ARG1: variants seen among roughly 807,000 people sequenced by gnomAD.
ARG1 encodes arginase 1.
In ARG1, 20 loss-of-function variants were observed where a neutral mutation model predicts 33.0. The observed-to-expected ratio is 0.61, with a 90% CI of 0.43 to 0.88. The LOEUF is 0.88. Among genes scored for constraint, ARG1 ranks in the 40% least tolerant of loss-of-function variants. ARG1 has a pLI of 0.00. For synonymous variants in ARG1, 146 were observed against 140.6 expected (o/e 1.04, Z -0.27); for missense variants, 374 against 384.7 (o/e 0.97, Z 0.23).
intron 7 of ARG1, 115 bp from the exon 8 acceptor site, chr6:131,583,627 G>A (rs1223004752): frequency 4.0e-6 from 6 of 1,515,198 alleles, no homozygotes; most frequent in Non-Finnish European, 5.4e-6. Context: ...TAACTAAAGT[G>A]TTTTCCATCG....
intron 4 of ARG1, among the ~76,000 whole-genome samples, chr6:131,581,723 G>C (rs1323843591): frequency 1.3e-5 from 2 of 152,130 alleles, no homozygotes; most frequent in Non-Finnish European, 2.9e-5. Context: ...CTAGCACCAG[G>C]TCTCCTCATT....
chr6:131,581,620 G>T (rs139025033), intron 4 of ARG1, among the ~76,000 whole-genome samples: 4 of 152,186 alleles, frequency 2.6e-5, no homozygotes, highest in Admixed American at 2.0e-4. Flanking sequence ...TAGTAGGTGG[G>T]GCAGAGAGTA....
intron 2 of ARG1, among the ~76,000 whole-genome samples, chr6:131,577,385 G>A (rs1773670155): frequency 6.6e-6 from 1 of 152,150 alleles, no homozygotes; most frequent in South Asian, 2.1e-4. Flanking sequence ...TGACCCAGCA[G>A]TTCTACTCCT....
intron 1 of ARG1, chr6:131,574,299 C>T (rs1234352916): frequency 6.2e-7 from 1 of 1,613,902 alleles, no homozygotes; most frequent in Non-Finnish European, 8.5e-7. Context: ...CTTTTTACTG[C>T]AAAACAAATT....
At chr6:131,573,408 G>C in intron 1 of ARG1, 69 bp downstream of exon 1, 1 of 1,459,632 alleles carries the variant, frequency 6.9e-7, no homozygotes, top group Non-Finnish European at 9.6e-7. Flanking sequence ...AAATTTGTAA[G>C]GTGTTATTGT....
intron 1 of ARG1, 133 bp downstream of exon 1, chr6:131,573,472 T>C: frequency 1.2e-6 from 1 of 827,270 alleles, no homozygotes; most frequent in Non-Finnish European, 2.0e-6. Context: ...TATTTTAAAG[T>C]CCTCTCACCA....
At chr6:131,579,526 G>A (rs1773809076) in intron 3 of ARG1, 8 of 371,422 alleles carry the variant, frequency 2.2e-5, no homozygotes, top group Non-Finnish European at 3.9e-5. Context: ...AAATATGAAT[G>A]GATTTCATCT....
Position 131,584,140 on chromosome 6 carries a change from G to A in ARG1, c.*232G>A. ...TAACTTGGCAAAAGACTTATCCTTA[G>A]AAAGAGAAGTGTACATTGATTTCCA... On this transcript the variant is annotated 3_prime_UTR_variant, in exon 8 of 8. Transcript: ENST00000368087. 1 of 530,034 alleles carries A rather than the reference G, an allele frequency of 1.9e-6. No individual in the cohort carries two copies. Among genetic ancestry groups the A allele is most frequent in the South Asian group, 2.2e-5 (1 of 45,532 alleles). 32.8% of individuals were successfully genotyped at this position (530,034 alleles called of 1,614,324 possible). A position where few individuals can be genotyped will look rare whatever the true frequency, so the allele number is the denominator to read the frequency against.
At chr6:131,573,994 T>G in intron 1 of ARG1, 1 of 461,822 alleles carries the variant, frequency 2.2e-6, no homozygotes, top group Non-Finnish European at 3.9e-6. Flanking sequence ...TTTTAATGGA[T>G]TTATGAAACC....
At chr6:131,575,971 G>A (rs977658678) in intron 1 of ARG1, among the ~76,000 whole-genome samples, 1 of 152,170 alleles carries the variant, frequency 6.6e-6, no homozygotes, top group African/African-American at 2.4e-5. Flanking sequence ...ACTTATGTGA[G>A]TACATGCACG....
chr6:131,583,999 T>G lies in ARG1; in HGVS notation c.*91T>G. The G allele has an allele frequency of 7.0e-7, 1 of 1,430,424 alleles. No homozygotes were observed. The highest frequency in any genetic ancestry group is 9.6e-7 in the Non-Finnish European group (1 of 1,037,804). The allele number at this position is 1,430,424 out of a possible 1,614,324, so 88.6% of individuals were successfully genotyped here. On this transcript the variant is annotated 3_prime_UTR_variant, in exon 8 of 8. Transcript: ENST00000368087. ...AGCATAGAGTTATCCTTCTAAAGAC[T>G]TGTTCTTTCAGAAAAATGTTTTTCC... is the stretch of plus-strand genomic sequence containing the variant.
rs1773773286 is a variant in ARG1, at chr6:131,578,981, C to T, written c.131-130C>T. Reference sequence around the variant, plus strand: ...CATGGGTCTACCTTCCCAAGATTTACAGACCTTTCAGGTTTTTCCTTTGCT... The same window carrying T: ...CATGGGTCTACCTTCCCAAGATTTATAGACCTTTCAGGTTTTTCCTTTGCT... On this transcript the variant is annotated intron_variant, in intron 2 of 7. Transcript: ENST00000368087. The T allele has an allele frequency of 8.5e-6, 9 of 1,059,944 alleles. No homozygotes were observed. In the South Asian group the frequency reaches 1.5e-4, roughly 18 times the overall value. The allele number at this position is 1,059,944 out of a possible 1,614,324, so 65.7% of individuals were successfully genotyped here.
rs1205047507 is a variant in ARG1, at chr6:131,583,152, A to G, written c.653A>G (p.Tyr218Cys). 6.2e-7 allele frequency: 1 copy of G among 1,613,510 alleles called. No individual in the cohort carries two copies. Residue 218 changes from tyrosine (Y) to cysteine (C), a missense_variant, in exon 6 of 8, where the codon TAT becomes TGT. By Grantham distance (194) the Tyr-to-Cys change is radical (BLOSUM62 -2). Coordinates refer to ENST00000368087, the MANE Select transcript of ARG1 (RefSeq NM_000045.4). ...IGKVMEETLSYLLGRKKRPIH... is the reference protein window; with the variant it reads ...IGKVMEETLSCLLGRKKRPIH... ...AAGGTGATGGAAGAAACACTCAGCT[A>G]TCTACTAGGAAGGTAGGATTCTTTT...
chr6:131,584,046 T>C lies in ARG1; in HGVS notation c.*138T>C, dbSNP rs1419278786. On this transcript the variant is annotated 3_prime_UTR_variant, in exon 8 of 8. Coordinates refer to ENST00000368087, the MANE Select transcript of ARG1 (RefSeq NM_000045.4). The stretch of plus-strand genomic sequence containing the variant: ...TTCCAATTAGTATAAACTCTACAAA[T>C]TCCCTCTTGGTGTAAAATTCAAGAT... 2.1e-6 allele frequency: 2 copies of C among 942,990 alleles called. No homozygotes were observed. Among genetic ancestry groups the C allele is most frequent in the African/African-American group, 3.3e-5 (2 of 59,786 alleles). 58.4% of individuals were successfully genotyped at this position (942,990 alleles called of 1,614,324 possible). A position where few individuals can be genotyped will look rare whatever the true frequency, so the allele number is the denominator to read the frequency against.
intron 1 of ARG1, 107 bp downstream of exon 1, chr6:131,573,446 C>T: frequency 3.7e-6 from 4 of 1,081,894 alleles, no homozygotes; most frequent in East Asian, 2.4e-5. Flanking sequence ...CTGATACAAT[C>T]TGGCCAGGAA....
At chr6:131,578,770 C>A (rs901025736) in intron 2 of ARG1, among the ~76,000 whole-genome samples, 4 of 151,878 alleles carry the variant, frequency 2.6e-5, no homozygotes, top group Non-Finnish European at 5.9e-5. Flanking sequence ...AGCACATAAG[C>A]AGAGAGAGAC....
At position 131,584,218 on chromosome 6, in the gene ARG1, A is replaced by G. The variant is rs142812031; in HGVS notation, c.*310A>G. The G allele has an allele frequency of 2.4e-4, 81 of 331,458 alleles. 2 individuals carry two copies. Among genetic ancestry groups the G allele is most frequent in the African/African-American group, 1.7e-3 (78 of 46,268 alleles). 20.5% of individuals were successfully genotyped at this position (331,458 alleles called of 1,614,324 possible). On this transcript the variant is annotated 3_prime_UTR_variant, in exon 8 of 8. Coordinates refer to ENST00000368087, the MANE Select transcript of ARG1 (RefSeq NM_000045.4). ...AGCACACTTACATAAGCCCCCATAC[A>G]TAGAGTGGGACTCTTGGAATCAGGA...
intron 1 of ARG1, among the ~76,000 whole-genome samples, chr6:131,573,665 CTTG>C (rs567110628): frequency 1.3e-5 from 2 of 152,126 alleles, no homozygotes; most frequent in East Asian, 1.9e-4. Flanking sequence ...TTTAGTTGCT[CTTG>C]TTGTTTTTGA....
In ARG1 at chr6:131,576,812, G is replaced by C. The variant is rs1014989370; in HGVS notation, c.130+77G>C. ...GAAAGAGCAGGCCCCTGTGAACCTG[G>C]AGTGTGTCTGGAATATTTACATCAG... is the stretch of plus-strand genomic sequence containing the variant. On this transcript the variant is annotated intron_variant, in intron 2 of 7. Coordinates refer to ENST00000368087, the MANE Select transcript of ARG1 (RefSeq NM_000045.4). The C allele has an allele frequency of 1.3e-5, 17 of 1,277,532 alleles. No individual in the cohort carries two copies. In the Middle Eastern group the frequency reaches 9.5e-4, roughly 71 times the overall value. The allele number at this position is 1,277,532 out of a possible 1,614,324, so 79.1% of individuals were successfully genotyped here.
Sources: allele counts gnomAD v4.1 joint callset (sites outside exome capture counted in the v4.1 genomes callset), GRCh38; gene constraint gnomAD v4.1.1; transcripts MANE v1.5; gene names NCBI Gene and HGNC (gene_info 2026-07-23, HGNC 2026-07-21).